The following LY6S variants were observed in gnomAD, a reference collection of about 807,000 sequenced individuals.
The protein encoded by LY6S is lymphocyte antigen 6S.
At chr8:143,068,048 G>A in the LY6S span, among the ~76,000 whole-genome samples, 2 of 152,168 alleles carry the variant, frequency 1.3e-5, no homozygotes, top group Admixed American at 1.3e-4. Context: ...CGGGTGTTGG[G>A]CTGGGGGATG....
the LY6S span, among the ~76,000 whole-genome samples, chr8:143,067,665 G>A: frequency 6.6e-6 from 1 of 152,350 alleles, no homozygotes; most frequent in African/African-American, 2.4e-5. Context: ...TACTATCTTG[G>A]CGAGGGGAGT....
At chr8:143,052,307 T>C in the LY6S span, among the ~76,000 whole-genome samples, 3 of 151,912 alleles carry the variant, frequency 2.0e-5, no homozygotes, top group Admixed American at 2.0e-4. Flanking sequence ...CATAATTATC[T>C]CCATATGGGG....
At chr8:143,052,999 A>G in the LY6S span, among the ~76,000 whole-genome samples, 1 of 152,202 alleles carries the variant, frequency 6.6e-6, no homozygotes, top group Non-Finnish European at 1.5e-5. Context: ...GAATATGGCA[A>G]CACAGGGCTG....
the LY6S span, among the ~76,000 whole-genome samples, chr8:143,069,149 G>A: frequency 2.6e-5 from 4 of 152,120 alleles, no homozygotes; most frequent in African/African-American, 4.8e-5. Context: ...CATCTCTTAC[G>A]TCTCCCACAT....
chr8:143,056,495 C>T, the LY6S span, among the ~76,000 whole-genome samples: 1 of 151,994 alleles, frequency 6.6e-6, no homozygotes, highest in Non-Finnish European at 1.5e-5. Flanking sequence ...AAAATAAATA[C>T]AGCATATATG....
At chr8:143,057,451 T>G in the LY6S span, 3 of 574,502 alleles carry the variant, frequency 5.2e-6, no homozygotes, top group Non-Finnish European at 6.4e-6. Flanking sequence ...GGTTTCACCA[T>G]ATTGGCCAGG....
chr8:143,053,282 A>G, the LY6S span: 4 of 152,184 alleles, frequency 2.6e-5, no homozygotes, highest in African/African-American at 4.8e-5. Context: ...TGAAGTTTCT[A>G]TTCAAGAAAA....
At chr8:143,049,097 C>T in the LY6S span, 24 of 512,738 alleles carry the variant, frequency 4.7e-5, no homozygotes, top group South Asian at 2.6e-4. Flanking sequence ...GACCTCCTAG[C>T]GCCCTGATTT....
At chr8:143,066,050 T>A in the LY6S span, 1 of 387,716 alleles carries the variant, frequency 2.6e-6, no homozygotes, top group South Asian at 2.2e-5. Flanking sequence ...CACAAGAAAG[T>A]AGCTTCACAT....
the LY6S span, among the ~76,000 whole-genome samples, chr8:143,070,525 C>T: frequency 2.3e-5 from 3 of 129,876 alleles, no homozygotes; most frequent in Admixed American, 8.3e-5. Context: ...CTCGCCCTGT[C>T]GCCCAGGCTG....
chr8:143,070,489 A>ATTTTTTTTTTTT, the LY6S span, among the ~76,000 whole-genome samples: 10 of 81,696 alleles, frequency 1.2e-4, no homozygotes, highest in African/African-American at 6.9e-4. Flanking sequence ...ATATATATAT[A>ATTTTTTTTTTTT]TTTTTTTTTT....
the LY6S span, chr8:143,044,362 G>C: frequency 2.5e-6 from 1 of 402,196 alleles, no homozygotes; most frequent in South Asian, 1.8e-5. Context: ...CACTGGGAGG[G>C]GCTGGGATGG....
the LY6S span, chr8:143,057,617 T>C: frequency 8.1e-7 from 1 of 1,233,628 alleles, no homozygotes; most frequent in Non-Finnish European, 1.2e-6. Context: ...CCCAGTCAGG[T>C]CATCAATGCC....
At chr8:143,070,446 G>A in the LY6S span, among the ~76,000 whole-genome samples, 94 of 69,452 alleles carry the variant, frequency 1.4e-3, 3 homozygotes, top group African/African-American at 7.4e-3. Context: ...TATATATATT[G>A]TATATATATA....
At chr8:143,071,157 C>T in the LY6S span, among the ~76,000 whole-genome samples, 459 of 106,380 alleles carry the variant, frequency 4.3e-3, no homozygotes, top group East Asian at 0.01. Context: ...GCATGGAATA[C>T]AGACTCAGGA....
the LY6S span, among the ~76,000 whole-genome samples, chr8:143,062,618 A>G: frequency 6.6e-6 from 1 of 152,230 alleles, no homozygotes; most frequent in Non-Finnish European, 1.5e-5. Flanking sequence ...TGTTACAGTG[A>G]GCCAAGATCG....
At chr8:143,044,087 T>G in the LY6S span, 1 of 455,266 alleles carries the variant, frequency 2.2e-6, no homozygotes, top group Non-Finnish European at 4.4e-6. Flanking sequence ...CTGGGCAGGC[T>G]GCAGCCCCTC....
chr8:143,048,478 T>C, the LY6S span, among the ~76,000 whole-genome samples: 21 of 150,024 alleles, frequency 1.4e-4, no homozygotes, highest in African/African-American at 4.4e-4. Context: ...TTCTTTTTTT[T>C]TTTTTTTTTT....
At chr8:143,073,386 CAGCCATCATCCTCGGGGTCCCTGTTTG>C in the LY6S span, among the ~76,000 whole-genome samples, 2 of 147,504 alleles carry the variant, frequency 1.4e-5, 1 homozygote, top group African/African-American at 5.0e-5. Context: ...TTTGAGAAGA[CAGCCATCATCCTCGGGGTCCCTGTTTG>C]AGGAGACAGC....
Sources: allele counts gnomAD v4.1 joint callset (sites outside exome capture counted in the v4.1 genomes callset), GRCh38; gene constraint gnomAD v4.1.1; transcripts MANE v1.5; gene names NCBI Gene and HGNC (gene_info 2026-07-23, HGNC 2026-07-21).